HMBOX1: variants seen among roughly 807,000 people sequenced by gnomAD.
HMBOX1 encodes homeobox-containing protein 1.
Under a neutral mutation model 54.5 loss-of-function variants are expected in HMBOX1, and 14 were observed. That is an observed-to-expected ratio of 0.26 (90% CI 0.17 to 0.40). The LOEUF is 0.40. Among genes scored for constraint, HMBOX1 ranks in the 10% least tolerant of loss-of-function variants. HMBOX1 has a pLI of 1.00. For missense variants in HMBOX1, 332 were observed against 514.4 expected, an observed-to-expected ratio of 0.65 and a Z score of 3.43; for synonymous variants, 160 against 181.0, an observed-to-expected ratio of 0.88 and a Z score of 0.93.
intron 6 of HMBOX1, 53 bp downstream of exon 6, chr8:29,018,966 A>C: frequency 1.3e-6 from 2 of 1,548,566 alleles, no homozygotes; most frequent in South Asian, 1.1e-5. Context: ...GAAGACATCA[A>C]CTCTGGATAG....
intron 6 of HMBOX1, among the ~76,000 whole-genome samples, chr8:29,030,581 A>G (rs1802811374): frequency 6.6e-6 from 1 of 152,184 alleles, no homozygotes; most frequent in Non-Finnish European, 1.5e-5. Flanking sequence ...AATGTCCTTC[A>G]AGTTATTAAA....
intron 1 of HMBOX1, among the ~76,000 whole-genome samples, chr8:28,939,505 A>T (rs1438982781): frequency 6.6e-6 from 1 of 151,478 alleles, no homozygotes; most frequent in East Asian, 1.9e-4. Flanking sequence ...TGTTTAGTTT[A>T]GTTTTTGTTT....
intron 5 of HMBOX1, among the ~76,000 whole-genome samples, chr8:29,013,520 C>G (rs1232649404): frequency 1.3e-5 from 2 of 152,172 alleles, no homozygotes; most frequent in East Asian, 1.9e-4. Flanking sequence ...GTGGACTCAT[C>G]AAGAAAAATA....
At chr8:29,040,388 G>A (rs556303353) in intron 6 of HMBOX1, among the ~76,000 whole-genome samples, 1 of 152,152 alleles carries the variant, frequency 6.6e-6, no homozygotes, top group East Asian at 1.9e-4. Flanking sequence ...AATATTGTGT[G>A]TCTTTTCTCA....
At chr8:28,988,009 A>G (rs1160625974) in intron 4 of HMBOX1, among the ~76,000 whole-genome samples, 1 of 152,224 alleles carries the variant, frequency 6.6e-6, no homozygotes, top group African/African-American at 2.4e-5. Context: ...ACAGTGGTAT[A>G]ATCATTACCA....
In HMBOX1 at chr8:28,911,238, A is replaced by G. The variant is rs142857259; in HGVS notation, c.-58+20560A>G. Reference sequence around the variant, plus strand: ...GGAAGACTGCAGCCAGGCTTGTACAATGAGAAGACCTGGGGGGAGGGTGCT... The same window carrying G: ...GGAAGACTGCAGCCAGGCTTGTACAGTGAGAAGACCTGGGGGGAGGGTGCT... On this transcript the variant is annotated intron_variant, in intron 1 of 9. Transcript: ENST00000287701. Among the ~76,000 whole-genome samples the G allele has an allele frequency of 2.3e-3, 346 of 152,344 alleles. 2 individuals carry two copies. The highest frequency in any genetic ancestry group is 7.9e-3 in the African/African-American group (330 of 41,586).
chr8:28,899,941 T>A (rs1812881985), intron 1 of HMBOX1, among the ~76,000 whole-genome samples: 1 of 152,000 alleles, frequency 6.6e-6, no homozygotes, highest in Non-Finnish European at 1.5e-5. Context: ...AAGAATTGCC[T>A]GGAAAAAGTA....
chr8:29,036,121 A>G (rs937303917), intron 6 of HMBOX1, among the ~76,000 whole-genome samples: 4 of 152,158 alleles, frequency 2.6e-5, no homozygotes, highest in African/African-American at 4.8e-5. Flanking sequence ...GTTATGCTTG[A>G]CACCTGTTTA....
chr8:28,973,812 T>TTTTTTTTTTTTTTG lies in HMBOX1; in HGVS notation c.500+3306_500+3307insGTTTTTTTTTTTTT, dbSNP rs1827880392. On this transcript the variant is annotated intron_variant, in intron 3 of 9. Transcript: ENST00000287701. ...CGAGATACATAATGGAGTTTTTTTT[T>TTTTTTTTTTTTTTG]TTTTTTTTTTTTTTTTTTTTTTGAG... is the stretch of plus-strand genomic sequence containing the variant. Among the ~76,000 whole-genome samples the TTTTTTTTTTTTTTG allele has an allele frequency of 9.6e-4, 25 of 26,060 alleles. 2 individuals carry two copies. Among genetic ancestry groups the TTTTTTTTTTTTTTG allele is most frequent in the East Asian group, 3.5e-3 (7 of 2,016 alleles). 17.1% of individuals were successfully genotyped at this position (26,060 alleles called of 152,430 possible).
intron 4 of HMBOX1, among the ~76,000 whole-genome samples, chr8:28,992,639 G>C (rs1831154837): frequency 6.6e-6 from 1 of 152,060 alleles, no homozygotes; most frequent in South Asian, 2.1e-4. Context: ...GGGAATCCGA[G>C]TGGGGTGGAT....
At chr8:28,956,568 A>C (rs887507570) in intron 1 of HMBOX1, among the ~76,000 whole-genome samples, 1 of 152,152 alleles carries the variant, frequency 6.6e-6, no homozygotes, top group Non-Finnish European at 1.5e-5. Flanking sequence ...TTTAAAAAAT[A>C]TGTATTCTTT....
intron 1 of HMBOX1, among the ~76,000 whole-genome samples, chr8:28,954,690 T>C (rs1824082638): frequency 6.6e-6 from 1 of 152,198 alleles, no homozygotes; most frequent in African/African-American, 2.4e-5. Flanking sequence ...ACTTAAAATG[T>C]ATATACTCTG....
chr8:28,917,066 C>CAAAAA (rs35179018), intron 1 of HMBOX1, among the ~76,000 whole-genome samples: 1 of 70,996 alleles, frequency 1.4e-5, no homozygotes, highest in Admixed American at 1.6e-4. Context: ...GACCCTGTCT[C>CAAAAA]AAAAAAAAAA....
intron 4 of HMBOX1, among the ~76,000 whole-genome samples, chr8:29,004,017 T>C (rs1198553118): frequency 6.6e-6 from 1 of 152,112 alleles, no homozygotes; most frequent in Non-Finnish European, 1.5e-5. Flanking sequence ...GACATGAAAA[T>C]AATTTTAGGA....
At chr8:28,898,640 C>T (rs1480195351) in intron 1 of HMBOX1, among the ~76,000 whole-genome samples, 1 of 152,184 alleles carries the variant, frequency 6.6e-6, no homozygotes, top group African/African-American at 2.4e-5. Context: ...CTCCCTTTCT[C>T]ACTTCTCCCT....
intron 4 of HMBOX1, among the ~76,000 whole-genome samples, chr8:28,986,011 A>G (rs1830106375): frequency 6.6e-6 from 1 of 152,174 alleles, no homozygotes; most frequent in South Asian, 2.1e-4. Flanking sequence ...GTTTAATGAC[A>G]TGTATCCACC....
At chr8:28,998,926 T>TATAAATTAC (rs1349823278) in intron 4 of HMBOX1, among the ~76,000 whole-genome samples, 2 of 152,154 alleles carry the variant, frequency 1.3e-5, no homozygotes, top group Non-Finnish European at 2.9e-5. Flanking sequence ...ATTTTTGTCT[T>TATAAATTAC]ATAAATTACA....
chr8:29,025,169 GA>G (rs1410015565), intron 6 of HMBOX1, among the ~76,000 whole-genome samples: 4 of 151,696 alleles, frequency 2.6e-5, no homozygotes, highest in East Asian at 3.9e-4. Flanking sequence ...ATAGATATCA[GA>G]AAAAAAATGG....
intron 1 of HMBOX1, among the ~76,000 whole-genome samples, chr8:28,911,856 A>G (rs1301504294): frequency 6.6e-6 from 1 of 152,200 alleles, no homozygotes. Flanking sequence ...TGCAGATACC[A>G]AGGGACAACT....
Sources: allele counts gnomAD v4.1 joint callset (sites outside exome capture counted in the v4.1 genomes callset), GRCh38; gene constraint gnomAD v4.1.1; transcripts MANE v1.5; gene names NCBI Gene and HGNC (gene_info 2026-07-23, HGNC 2026-07-21).